SAMMSON: variants seen among roughly 807,000 people sequenced by gnomAD.
The protein encoded by SAMMSON is survival associated mitochondrial melanoma specific oncogenic non-coding RNA, also known as long intergenic non-protein coding RNA 1212.
chr3:70,382,782 T>G (rs1379908772), intron 9 of SAMMSON, among the ~76,000 whole-genome samples: 1 of 152,144 alleles, frequency 6.6e-6, no homozygotes, highest in Non-Finnish European at 1.5e-5. Context: ...TATTCTTAAT[T>G]TGTAGTTGCC....
At chr3:70,070,572 A>G (rs770631260) in intron 3 of SAMMSON, among the ~76,000 whole-genome samples, 11 of 152,112 alleles carry the variant, frequency 7.2e-5, no homozygotes, top group Non-Finnish European at 1.2e-4. Flanking sequence ...ATGATTATTC[A>G]TAGTAGAAAA....
intron 4 of SAMMSON, among the ~76,000 whole-genome samples, chr3:70,090,018 A>G (rs139719816): frequency 0.011 from 1,749 of 152,232 alleles, 19 homozygotes; most frequent in Non-Finnish European, 0.019. Context: ...GGCAGTAGCT[A>G]TTGATTAAAT....
At chr3:70,168,140 G>A (rs987318469) in intron 4 of SAMMSON, among the ~76,000 whole-genome samples, 1 of 151,972 alleles carries the variant, frequency 6.6e-6, no homozygotes, top group African/African-American at 2.4e-5. Flanking sequence ...CCATCTTTGA[G>A]TATCTTGTTT....
At chr3:70,385,413 T>C (rs1703112459) in intron 9 of SAMMSON, among the ~76,000 whole-genome samples, 1 of 152,082 alleles carries the variant, frequency 6.6e-6, no homozygotes, top group African/African-American at 2.4e-5. Context: ...TGTAGGTGTG[T>C]GTGGATTCCT....
At chr3:70,304,581 A>G (rs1312685546) in intron 7 of SAMMSON, among the ~76,000 whole-genome samples, 1 of 152,134 alleles carries the variant, frequency 6.6e-6, no homozygotes, top group Non-Finnish European at 1.5e-5. Flanking sequence ...GTATCACCCC[A>G]CACTAAGGCA....
intron 4 of SAMMSON, among the ~76,000 whole-genome samples, chr3:70,146,349 A>G (rs888966002): frequency 6.6e-6 from 1 of 152,036 alleles, no homozygotes; most frequent in African/African-American, 2.4e-5. Flanking sequence ...TATTAAAACC[A>G]AAGACAGTAC....
chr3:70,243,388 T>C (rs562191251), intron 4 of SAMMSON, among the ~76,000 whole-genome samples: 1 of 152,304 alleles, frequency 6.6e-6, no homozygotes, highest in East Asian at 1.9e-4. Context: ...TGAATTGTAT[T>C]ATTTAATAGG....
At chr3:70,376,590 G>A (rs1194486700) in intron 9 of SAMMSON, among the ~76,000 whole-genome samples, 1 of 152,086 alleles carries the variant, frequency 6.6e-6, no homozygotes, top group Non-Finnish European at 1.5e-5. Context: ...CACAGAGCAA[G>A]AGGTGTCACT....
At chr3:70,393,800 C>T (rs549839437), downstream of SAMMSON, among the ~76,000 whole-genome samples, 11 of 152,094 alleles carry the variant, frequency 7.2e-5, no homozygotes, top group Admixed American at 1.3e-4. Context: ...GAGGTAGGGG[C>T]GGAGCTCAGA....
chr3:70,347,438 A>T lies in SAMMSON; in HGVS notation n.740-6737A>T, dbSNP rs548393459. The stretch of plus-strand genomic sequence containing the variant: ...CATAGTAATTTTTCGGAACTGGCCT[A>T]AGTAGAGAAGGGAGTTTATATTAAC... On this transcript the variant is annotated intron_variant and non_coding_transcript_variant, in intron 7 of 9. Transcript: ENST00000642114. 2.0e-3 allele frequency among the ~76,000 whole-genome samples: 242 copies of T among 119,088 alleles called. 1 individual carries two copies. The South Asian group carries it at 0.022, about 11-fold the overall frequency. 78.1% of individuals were successfully genotyped at this position (119,088 alleles called of 152,430 possible). A position where few individuals can be genotyped will look rare whatever the true frequency, so the allele number is the denominator to read the frequency against.
chr3:70,285,197 TCCCTCCC>T (rs1702131275), intron 6 of SAMMSON, among the ~76,000 whole-genome samples: 1 of 114,054 alleles, frequency 8.8e-6, no homozygotes, highest in Non-Finnish European at 1.8e-5. Flanking sequence ...CCCAATGCTA[TCCCTCCC>T]CCCTCCCCCC....
chr3:70,274,090 T>TGTGTGTGTGTGTGC (rs770689062), intron 6 of SAMMSON, among the ~76,000 whole-genome samples: 6 of 144,972 alleles, frequency 4.1e-5, no homozygotes, highest in Non-Finnish European at 8.9e-5. Context: ...TGTGTGTGTG[T>TGTGTGTGTGTGTGC]GCGCGCGCGC....
intron 4 of SAMMSON, chr3:70,205,451 A>G (rs1701280601): frequency 4.6e-5 from 7 of 152,166 alleles, no homozygotes. Flanking sequence ...TACATAATAT[A>G]TGATAGAAAT....
At chr3:70,431,582 T>C (rs1430368352) in intron 2 of SAMMSON, among the ~76,000 whole-genome samples, 7 of 152,100 alleles carry the variant, frequency 4.6e-5, no homozygotes, top group Non-Finnish European at 8.8e-5. Flanking sequence ...TAAATATATT[T>C]TATTGTGCTG....
At chr3:70,383,066 T>C (rs1343605843) in intron 9 of SAMMSON, among the ~76,000 whole-genome samples, 1 of 152,154 alleles carries the variant, frequency 6.6e-6, no homozygotes, top group Non-Finnish European at 1.5e-5. Context: ...CTCTCATAGG[T>C]AACTTCCCTT....
chr3:70,396,768 C>T (rs565305822), intron 2 of SAMMSON, among the ~76,000 whole-genome samples: 1 of 152,210 alleles, frequency 6.6e-6, no homozygotes, highest in Admixed American at 6.5e-5. Flanking sequence ...AGTTCCAAAA[C>T]GCTGATTTAT....
At chr3:70,390,158 A>C (rs148924775), downstream of SAMMSON, among the ~76,000 whole-genome samples, 159 of 152,266 alleles carry the variant, frequency 1.0e-3, no homozygotes, top group Non-Finnish European at 1.9e-3. Context: ...ATCTTGGCAA[A>C]AATTATCTTC....
intron 3 of SAMMSON, among the ~76,000 whole-genome samples, chr3:70,061,231 G>C (rs949390213): frequency 6.6e-6 from 1 of 151,980 alleles, no homozygotes; most frequent in Admixed American, 6.6e-5. Context: ...TTGAGATACC[G>C]ACAGGACCTC....
At position 70,125,431 on chromosome 3, in the gene SAMMSON, C is replaced by T. The variant is rs1361232810; in HGVS notation, n.507+53866C>T. 6.7e-6 allele frequency: 7 copies of T among 1,043,474 alleles called. No homozygotes were observed. In the East Asian group the frequency reaches 1.6e-4, roughly 23 times the overall value. 64.6% of individuals were successfully genotyped at this position (1,043,474 alleles called of 1,614,324 possible). A position where few individuals can be genotyped will look rare whatever the true frequency, so the allele number is the denominator to read the frequency against. ...CCATTTCTTCTCTAGAAATTCTGTC[C>T]TTTTCCAATTCCCTTCTAGAAATAC... On this transcript the variant is annotated intron_variant and non_coding_transcript_variant, in intron 4 of 9. Transcript: ENST00000642114.
Sources: allele counts gnomAD v4.1 joint callset (sites outside exome capture counted in the v4.1 genomes callset), GRCh38; gene constraint gnomAD v4.1.1; transcripts MANE v1.5; gene names NCBI Gene and HGNC (gene_info 2026-07-23, HGNC 2026-07-21).